TMEM39B: variants seen among roughly 807,000 people sequenced by gnomAD.
The protein encoded by TMEM39B is transmembrane protein 39B.
TMEM39B carries 23 observed loss-of-function variants against 52.2 expected under a neutral mutation model. That is an observed-to-expected ratio of 0.44 (90% CI 0.32 to 0.62). TMEM39B has a LOEUF of 0.62. Among genes scored for constraint, TMEM39B ranks in the 20% least tolerant of loss-of-function variants. The pLI is 0.06. For missense variants in TMEM39B, 547 were observed against 642.0 expected, an observed-to-expected ratio of 0.85 and a Z score of 1.60; for synonymous variants, 285 against 264.0, an observed-to-expected ratio of 1.08 and a Z score of -0.77.
chr1:32,078,710 G>A (rs916209696), intron 5 of TMEM39B, among the ~76,000 whole-genome samples: 51 of 151,976 alleles, frequency 3.4e-4, no homozygotes, highest in African/African-American at 1.2e-3. Context: ...GCACGATCTC[G>A]GCTCACTGCA....
chr1:32,081,130 G>A (rs149040069), intron 5 of TMEM39B, among the ~76,000 whole-genome samples: 20 of 151,544 alleles, frequency 1.3e-4, no homozygotes, highest in Admixed American at 4.6e-4. Flanking sequence ...CTCCAATCCC[G>A]CCTCCAGATT....
At position 32,072,955 on chromosome 1, in the gene TMEM39B, CT is replaced by C; in HGVS notation, c.-92del. ...CGCGCGGCTGATACCCGGGACTGGGCTGCGGCGGTTAGTCCTCTCCCGGCCG... is the reference window on the plus strand; with the variant it reads ...CGCGCGGCTGATACCCGGGACTGGGCGCGGCGGTTAGTCCTCTCCCGGCCG... On this transcript the variant is annotated 5_prime_UTR_variant, in exon 1 of 9. Coordinates refer to ENST00000336294, the MANE Select transcript of TMEM39B (RefSeq NM_018056.4). 6.7e-7 allele frequency: 1 copy of C among 1,484,108 alleles called. No homozygotes were observed. The highest frequency in any genetic ancestry group is 1.2e-5 in the South Asian group (1 of 81,638). 91.9% of individuals were successfully genotyped at this position (1,484,108 alleles called of 1,614,324 possible).
chr1:32,087,358 T>C (rs1446538075), intron 5 of TMEM39B, among the ~76,000 whole-genome samples: 3 of 138,160 alleles, frequency 2.2e-5, no homozygotes, highest in Admixed American at 1.5e-4. Flanking sequence ...GTGCGGTGGC[T>C]CACACCTGTA....
intron 3 of TMEM39B, chr1:32,076,035 T>C: frequency 5.0e-6 from 2 of 399,826 alleles, no homozygotes; most frequent in Non-Finnish European, 8.9e-6. Flanking sequence ...GCACTGTAAG[T>C]GTATGGGAGA....
intron 1 of TMEM39B, 117 bp downstream of exon 1, chr1:32,073,168 T>G: frequency 7.9e-7 from 1 of 1,261,544 alleles, no homozygotes; most frequent in East Asian, 3.8e-5. Flanking sequence ...GGGGAGGGGA[T>G]GCGAGCGCAG....
chr1:32,073,036 C>A lies in TMEM39B; in HGVS notation c.-12C>A, dbSNP rs1166955724. ...GCTGCGGCGGCGAAGCGGAGAGCAC[C>A]GGGGGGAGGAGATGGGTGAGCAGAG... On this transcript the variant is annotated 5_prime_UTR_variant, in exon 1 of 9. Coordinates refer to ENST00000336294, the MANE Select transcript of TMEM39B (RefSeq NM_018056.4). The A allele has an allele frequency of 4.6e-6, 7 of 1,524,430 alleles. No homozygotes were observed. Among genetic ancestry groups the A allele is most frequent in the Admixed American group, 2.1e-5 (1 of 47,616 alleles). The allele number at this position is 1,524,430 out of a possible 1,614,324, so 94.4% of individuals were successfully genotyped here.
chr1:32,075,113 C>T, intron 2 of TMEM39B, 36 bp downstream of exon 2: 3 of 1,532,328 alleles, frequency 2.0e-6, no homozygotes, highest in Non-Finnish European at 1.8e-6. Flanking sequence ...TCACTGTGGC[C>T]TCACAGGGAC....
intron 6 of TMEM39B, among the ~76,000 whole-genome samples, chr1:32,094,264 C>G (rs1206475569): frequency 6.6e-6 from 1 of 150,506 alleles, no homozygotes; most frequent in African/African-American, 2.4e-5. Context: ...GTAGCTGGGA[C>G]TACAGGCACA....
chr1:32,084,515 G>A (rs1640253148), intron 5 of TMEM39B, among the ~76,000 whole-genome samples: 1 of 152,106 alleles, frequency 6.6e-6, no homozygotes, highest in African/African-American at 2.4e-5. Context: ...CTAAAAGTGT[G>A]TTTATTCTGC....
At chr1:32,085,192 C>T (rs1479493749) in intron 5 of TMEM39B, among the ~76,000 whole-genome samples, 1 of 151,960 alleles carries the variant, frequency 6.6e-6, no homozygotes, top group Non-Finnish European at 1.5e-5. Flanking sequence ...TTGATAATAT[C>T]TTCCTTTTAA....
chr1:32,076,562 A>G, intron 3 of TMEM39B: 1 of 694,344 alleles, frequency 1.4e-6, no homozygotes, highest in East Asian at 2.7e-5. Context: ...TCTTATCCCC[A>G]GGGACTGTCC....
At chr1:32,085,677 G>A (rs909185883) in intron 5 of TMEM39B, among the ~76,000 whole-genome samples, 2 of 152,096 alleles carry the variant, frequency 1.3e-5, no homozygotes, top group Middle Eastern at 6.8e-3. Flanking sequence ...CTTGAACCCG[G>A]GAGGTGGAGG....
At chr1:32,081,229 C>T (rs1640088833) in intron 5 of TMEM39B, among the ~76,000 whole-genome samples, 1 of 151,114 alleles carries the variant, frequency 6.6e-6, no homozygotes, top group Non-Finnish European at 1.5e-5. Context: ...CAGACAGAGT[C>T]TGTAAACCTA....
At chr1:32,098,435 A>G (rs1431060632) in intron 7 of TMEM39B, among the ~76,000 whole-genome samples, 1 of 152,140 alleles carries the variant, frequency 6.6e-6, no homozygotes, top group Non-Finnish European at 1.5e-5. Flanking sequence ...ACAGGACATT[A>G]TAAGAAAGCT....
At chr1:32,075,220 G>A in intron 2 of TMEM39B, 143 bp downstream of exon 2, 1 of 1,227,722 alleles carries the variant, frequency 8.1e-7, no homozygotes, top group South Asian at 1.6e-5. Context: ...AAGATCCAGA[G>A]GGAGCTCAGT....
intron 5 of TMEM39B, among the ~76,000 whole-genome samples, chr1:32,088,603 A>G (rs907657538): frequency 2.3e-5 from 3 of 130,432 alleles, no homozygotes; most frequent in African/African-American, 8.8e-5. Context: ...TTTATTTTCT[A>G]CTTTGATAGA....
chr1:32,084,478 G>A lies in TMEM39B; in HGVS notation c.590+7160G>A, dbSNP rs939018408. Among the ~76,000 whole-genome samples the A allele has an allele frequency of 2.0e-5, 3 of 152,230 alleles. No individual in the cohort carries two copies. The East Asian group carries it at 5.8e-4, about 29-fold the overall frequency. ...TATCAGGTAATTACTTTAACAATGG[G>A]TACGTTGGAGATGAGTCCTTGCATG... is the stretch of plus-strand genomic sequence containing the variant. On this transcript the variant is annotated intron_variant, in intron 5 of 8. Transcript: ENST00000336294.
intron 7 of TMEM39B, among the ~76,000 whole-genome samples, chr1:32,098,370 C>G (rs1640892334): frequency 6.6e-6 from 1 of 152,064 alleles, no homozygotes. Context: ...GGGCTGCTTA[C>G]AGGCTGTGAC....
At chr1:32,072,318 G>A (rs1359009847), upstream of TMEM39B, 1 of 148,834 alleles carries the variant, frequency 6.7e-6, no homozygotes, top group African/African-American at 2.5e-5. Flanking sequence ...AGTTCTGCAT[G>A]CTCTATTTCA....
Sources: gnomAD v4.1 joint callset for allele counts (sites outside exome capture counted in the v4.1 genomes callset) on GRCh38, gnomAD v4.1.1 for gene constraint, MANE v1.5 for transcripts, NCBI Gene and HGNC (gene_info 2026-07-23, HGNC 2026-07-21) for gene names.